Variants in TYW1B observed in about 807,000 individuals in gnomAD.
TYW1B encodes tRNA-yW synthesizing protein 1 homolog B.
TYW1B carries 73 observed loss-of-function variants against 86.9 expected under a neutral mutation model. The ratio of observed to expected loss-of-function variants is 0.84; its 90% CI spans 0.70 to 1.02. The LOEUF (loss-of-function observed/expected upper bound fraction) is 1.02, where lower values mean the gene tolerates loss of function less well. Ranked by LOEUF, TYW1B falls within the 50% of genes least tolerant of loss-of-function variation. The probability of loss-of-function intolerance (pLI) is 0.00; values close to 1 mark genes in which losing one functional copy is unlikely to be tolerated. For missense variants in TYW1B, 637 were observed against 827.4 expected (o/e 0.77, Z 2.82); for synonymous variants, 248 against 292.8 (o/e 0.85, Z 1.56).
intron 12 of TYW1B, among the ~76,000 whole-genome samples, chr7:72,622,971 A>C (rs1812260769): frequency 1.3e-5 from 2 of 152,162 alleles, no homozygotes; most frequent in Non-Finnish European, 2.9e-5. Context: ...TTCTATGACC[A>C]AAGTTAAGAT....
intron 12 of TYW1B, among the ~76,000 whole-genome samples, chr7:72,622,407 T>C (rs2129568549): frequency 6.6e-6 from 1 of 152,350 alleles, no homozygotes; most frequent in East Asian, 1.9e-4. Context: ...ATTACCCCAT[T>C]GAATTCTCAA....
At chr7:72,819,206 G>A (rs1295551947) in intron 2 of TYW1B, among the ~76,000 whole-genome samples, 1 of 152,102 alleles carries the variant, frequency 6.6e-6, no homozygotes, top group Non-Finnish European at 1.5e-5. Context: ...AGCCACACGT[G>A]TAGGATCTCT....
intron 10 of TYW1B, among the ~76,000 whole-genome samples, chr7:72,706,561 T>C (rs782341080): frequency 6.6e-6 from 1 of 152,206 alleles, no homozygotes; most frequent in African/African-American, 2.4e-5. Flanking sequence ...CTTTCTTCCA[T>C]TGTTCTGGGA....
intron 12 of TYW1B, among the ~76,000 whole-genome samples, chr7:72,627,462 T>TAACAC (rs1332521503): frequency 9.9e-5 from 6 of 60,640 alleles, no homozygotes; most frequent in Admixed American, 5.6e-4. Flanking sequence ...AACAGTAACA[T>TAACAC]AACATAACAT....
intron 11 of TYW1B, among the ~76,000 whole-genome samples, chr7:72,645,020 G>A (rs1291059002): frequency 3.3e-5 from 5 of 151,952 alleles, no homozygotes; most frequent in South Asian, 4.2e-4. Context: ...GTAGAGATGC[G>A]GTTTCACCGT....
chr7:72,738,049 C>T (rs1441355473), intron 8 of TYW1B, among the ~76,000 whole-genome samples: 4 of 150,652 alleles, frequency 2.7e-5, no homozygotes, highest in Admixed American at 6.7e-5. Flanking sequence ...GCTGGGATTA[C>T]AGGCGTGAGC....
At chr7:72,652,406 A>AAAAT (rs1563046617) in intron 11 of TYW1B, among the ~76,000 whole-genome samples, 1 of 149,038 alleles carries the variant, frequency 6.7e-6, no homozygotes, top group Non-Finnish European at 1.5e-5. Flanking sequence ...AAAAAAAAAA[A>AAAAT]TTTTTGTGAC....
At chr7:72,623,376 T>C (rs1342851255) in intron 12 of TYW1B, among the ~76,000 whole-genome samples, 6 of 152,122 alleles carry the variant, frequency 3.9e-5, no homozygotes, top group Non-Finnish European at 5.9e-5. Context: ...TTATATGACC[T>C]TGAGGTACCA....
intron 2 of TYW1B, among the ~76,000 whole-genome samples, chr7:72,821,572 C>A (rs1222918222): frequency 2.6e-5 from 4 of 152,200 alleles, no homozygotes; most frequent in African/African-American, 9.6e-5. Context: ...TATTCCCAAA[C>A]AAACATCTTT....
At chr7:72,816,133 T>A (rs1788717617) in intron 2 of TYW1B, among the ~76,000 whole-genome samples, 1 of 152,140 alleles carries the variant, frequency 6.6e-6, no homozygotes, top group African/African-American at 2.4e-5. Context: ...TCCCAGTACC[T>A]TGGGAGGCCG....
chr7:72,632,226 T>G (rs1812508572), intron 11 of TYW1B, among the ~76,000 whole-genome samples: 3 of 141,092 alleles, frequency 2.1e-5, no homozygotes, highest in African/African-American at 8.2e-5. Context: ...ACCAACGCAC[T>G]CCAGCCTGGG....
chr7:72,793,031 T>C (rs1331807726), intron 6 of TYW1B, among the ~76,000 whole-genome samples: 3 of 152,152 alleles, frequency 2.0e-5, no homozygotes, highest in Admixed American at 1.3e-4. Flanking sequence ...TTAAAACACA[T>C]GTCAACAGGG....
intron 11 of TYW1B, among the ~76,000 whole-genome samples, chr7:72,651,117 G>A (rs1439140558): frequency 3.9e-5 from 6 of 152,150 alleles, no homozygotes; most frequent in African/African-American, 9.7e-5. Flanking sequence ...AACTTAGTGA[G>A]GTAATGTGAC....
At chr7:72,603,012 T>A (rs1186832460) in intron 13 of TYW1B, among the ~76,000 whole-genome samples, 1 of 151,830 alleles carries the variant, frequency 6.6e-6, no homozygotes, top group Non-Finnish European at 1.5e-5. Flanking sequence ...AGGTAAAAAA[T>A]AAATATTCAT....
At chr7:72,713,300 C>CAAAAAAAAAA (rs71069102) in intron 10 of TYW1B, among the ~76,000 whole-genome samples, 1 of 55,838 alleles carries the variant, frequency 1.8e-5, no homozygotes, top group Non-Finnish European at 3.1e-5. Flanking sequence ...GACTCCAACT[C>CAAAAAAAAAA]AAAAAAAAAA....
chr7:72,586,629 T>C (rs1476468335), intron 13 of TYW1B, among the ~76,000 whole-genome samples: 2 of 151,922 alleles, frequency 1.3e-5, no homozygotes, highest in Admixed American at 1.3e-4. Flanking sequence ...CCCAGCTACG[T>C]AGGAGGCTGA....
At chr7:72,748,898 T>A (rs553183074) in intron 7 of TYW1B, among the ~76,000 whole-genome samples, 1 of 152,112 alleles carries the variant, frequency 6.6e-6, no homozygotes, top group Non-Finnish European at 1.5e-5. Context: ...CCTCTTTTAG[T>A]GCATTATCTT....
rs147679497 is a variant in TYW1B at position 72,686,391 on chromosome 7, C to G, written c.1506+8296G>C. 7.1e-3 allele frequency among the ~76,000 whole-genome samples: 1,081 copies of G among 152,232 alleles called. 17 individuals carry two copies. The highest frequency in any genetic ancestry group is 0.025 in the African/African-American group (1,053 of 41,526). Reference sequence around the variant, plus strand: ...TTAGCTCTAAAAAGAGATGAACTATCCATGTGAAAACACATGGAAGGAACC... The same window carrying G: ...TTAGCTCTAAAAAGAGATGAACTATGCATGTGAAAACACATGGAAGGAACC... On this transcript the variant is annotated intron_variant, in intron 11 of 13. Transcript: ENST00000620995.
intron 11 of TYW1B, among the ~76,000 whole-genome samples, chr7:72,633,188 C>G (rs1426951083): frequency 1.3e-5 from 2 of 152,252 alleles, no homozygotes; most frequent in African/African-American, 2.4e-5. Context: ...TTTGCATTGG[C>G]CTGCCCCTTA....
Sources: allele counts gnomAD v4.1 joint callset (sites outside exome capture counted in the v4.1 genomes callset), GRCh38; gene constraint gnomAD v4.1.1; transcripts MANE v1.5; gene names NCBI Gene and HGNC (gene_info 2026-07-23, HGNC 2026-07-21).